MEI1: variants seen among roughly 807,000 people sequenced by gnomAD.
MEI1 encodes meiotic double-stranded break formation protein 1, also known as meiosis inhibitor protein 1.
In MEI1, 103 loss-of-function variants were observed where a neutral mutation model predicts 146.2. The observed-to-expected ratio is 0.70, with a 90% CI of 0.60 to 0.83. The LOEUF is 0.83. Ranked by LOEUF, MEI1 falls within the 40% of genes least tolerant of loss-of-function variation. MEI1 has a pLI of 0.00. For missense variants in MEI1, 1,529 were observed against 1,533.0 expected (o/e 1.00, Z 0.04); for synonymous variants, 652 against 628.2 (o/e 1.04, Z -0.57).
intron 30 of MEI1, among the ~76,000 whole-genome samples, chr22:41,797,550 T>C (rs1176763598): frequency 2.0e-5 from 3 of 152,044 alleles, no homozygotes; most frequent in African/African-American, 7.2e-5. Context: ...CGGCAGAGGT[T>C]GCAGTCAGCT....
intron 18 of MEI1, among the ~76,000 whole-genome samples, chr22:41,761,304 CAG>C (rs2074470619): frequency 7.1e-6 from 1 of 141,016 alleles, no homozygotes; most frequent in Non-Finnish European, 1.5e-5. Flanking sequence ...GAGTGAGACT[CAG>C]TGTTTTTTTT....
chr22:41,760,035 T>C (rs1363153114), intron 18 of MEI1, among the ~76,000 whole-genome samples: 1 of 151,426 alleles, frequency 6.6e-6, no homozygotes, highest in Admixed American at 6.6e-5. Flanking sequence ...TCAGGCCGGG[T>C]GCAGTGGCTC....
At chr22:41,771,079 A>G (rs754020054) in intron 20 of MEI1, 118 bp downstream of exon 20, 3 of 1,130,220 alleles carry the variant, frequency 2.7e-6, no homozygotes, top group Non-Finnish European at 3.8e-6. Context: ...CAGACTTATC[A>G]CTGTCTGCAT....
chr22:41,730,509 C>A lies in MEI1; in HGVS notation c.980-12C>A. The A allele has an allele frequency of 6.3e-7, 1 of 1,583,110 alleles. No homozygotes were observed. Among genetic ancestry groups the A allele is most frequent in the Non-Finnish European group, 8.7e-7 (1 of 1,151,852 alleles). On this transcript the variant is annotated splice_polypyrimidine_tract_variant and intron_variant, in intron 8 of 30. Transcript: ENST00000401548. The stretch of plus-strand genomic sequence containing the variant: ...CTGTCATTTATTGTTTTCTCATCCT[C>A]TCCCTTGTTAGAGTTCCTCTTTGAG...
chr22:41,720,615 T>G (rs945832810), intron 6 of MEI1, among the ~76,000 whole-genome samples: 1 of 149,300 alleles, frequency 6.7e-6, no homozygotes, highest in Non-Finnish European at 1.5e-5. Flanking sequence ...TTTTTTTTTT[T>G]GACGGAGTCT....
At chr22:41,773,560 TAAAAAAA>T (rs34960433) in intron 20 of MEI1, among the ~76,000 whole-genome samples, 1 of 129,978 alleles carries the variant, frequency 7.7e-6, no homozygotes, top group Admixed American at 7.9e-5. Flanking sequence ...ACATCAATGG[TAAAAAAA>T]AAAAAAAAAA....
At chr22:41,742,068 TG>T (rs1389166092) in intron 11 of MEI1, among the ~76,000 whole-genome samples, 5 of 151,598 alleles carry the variant, frequency 3.3e-5, no homozygotes, top group African/African-American at 1.2e-4. Context: ...GAAACCAGCC[TG>T]GCCAACATGG....
chr22:41,730,859 A>G (rs1248658623), intron 9 of MEI1, among the ~76,000 whole-genome samples: 1 of 152,168 alleles, frequency 6.6e-6, no homozygotes, highest in East Asian at 1.9e-4. Context: ...TAGACGCTTC[A>G]GCAAGGGAAG....
intron 12 of MEI1, 27 bp downstream of exon 12, chr22:41,743,221 C>A: frequency 6.7e-7 from 1 of 1,496,180 alleles, no homozygotes; most frequent in South Asian, 1.1e-5. Flanking sequence ...CTGCTGCTTC[C>A]GAAGATCATG....
intron 14 of MEI1, 146 bp from the exon 15 acceptor site, chr22:41,747,961 A>G (rs2073454952): frequency 4.8e-6 from 3 of 625,206 alleles, no homozygotes; most frequent in Non-Finnish European, 8.7e-6. Flanking sequence ...CAAGCCTTAG[A>G]TGTAGGTTTG....
At chr22:41,762,091 CAT>C (rs1188232845) in intron 18 of MEI1, among the ~76,000 whole-genome samples, 19 of 152,298 alleles carry the variant, frequency 1.2e-4, no homozygotes, top group East Asian at 5.8e-4. Flanking sequence ...CTGTTGTAAA[CAT>C]GTGTGTACAT....
chr22:41,797,468 C>T (rs1042458562), intron 30 of MEI1, among the ~76,000 whole-genome samples: 2 of 151,976 alleles, frequency 1.3e-5, no homozygotes, highest in Non-Finnish European at 1.5e-5. Context: ...AAAAATTAGT[C>T]GGCTGTGGTG....
At chr22:41,739,622 T>C (rs1010406179) in intron 11 of MEI1, among the ~76,000 whole-genome samples, 2 of 152,022 alleles carry the variant, frequency 1.3e-5, no homozygotes, top group African/African-American at 4.8e-5. Flanking sequence ...TGTCCTTCCC[T>C]GAATTTGAAT....
chr22:41,737,694 A>G (rs1267971993), intron 11 of MEI1, among the ~76,000 whole-genome samples: 1 of 152,136 alleles, frequency 6.6e-6, no homozygotes, highest in Non-Finnish European at 1.5e-5. Flanking sequence ...GGCGTGAGCC[A>G]CTGAACCTGG....
intron 5 of MEI1, 51 bp from the exon 6 acceptor site, chr22:41,718,020 G>A (rs2070375106): frequency 8.7e-6 from 12 of 1,386,678 alleles, no homozygotes; most frequent in South Asian, 7.6e-5. Context: ...GTTTCATATA[G>A]CAGTTGACAT....
rs1006102308 is a variant in MEI1 at position 41,794,243 on chromosome 22, T to A, written c.3428-128T>A. 3.8e-5 allele frequency: 30 copies of A among 785,574 alleles called. No individual in the cohort carries two copies. The Middle Eastern group carries it at 1.3e-3, about 35-fold the overall frequency. 48.7% of individuals were successfully genotyped at this position (785,574 alleles called of 1,614,324 possible). ...AGCCCAGGGAAGAAAGAACCCTCCTTGGGTCAGCTTGTTCAGTGCCCTGTC... is the reference window on the plus strand; with the variant it reads ...AGCCCAGGGAAGAAAGAACCCTCCTAGGGTCAGCTTGTTCAGTGCCCTGTC... On this transcript the variant is annotated intron_variant, in intron 27 of 30. Transcript: ENST00000401548.
rs117206252 is a variant in MEI1 at position 41,771,354 on chromosome 22, T to G, written c.2544+393T>G. 8.6e-3 allele frequency among the ~76,000 whole-genome samples: 1,308 copies of G among 152,330 alleles called. 7 individuals carry two copies. Among genetic ancestry groups the G allele is most frequent in the Non-Finnish European group, 0.015 (1,043 of 68,022 alleles). ...TGGACATTTCTGATGGCAGAGGGAC[T>G]CCTCCTCTTTTTTGCCATGACTTAC... On this transcript the variant is annotated intron_variant, in intron 20 of 30. Coordinates refer to ENST00000401548, the MANE Select transcript of MEI1 (RefSeq NM_152513.4).
chr22:41,705,670 C>T lies in MEI1; in HGVS notation c.349+116C>T, dbSNP rs2069033077. The T allele has an allele frequency of 5.0e-6, 4 of 801,140 alleles. No homozygotes were observed. In the South Asian group the frequency reaches 6.0e-5, roughly 12 times the overall value. 49.6% of individuals were successfully genotyped at this position (801,140 alleles called of 1,614,324 possible). ...GTTTAGACACAGATAAGAGGAACCC[C>T]ATTAGTTTTCAATCACTAATTCAAC... On this transcript the variant is annotated intron_variant, in intron 3 of 30. Coordinates refer to ENST00000401548, the MANE Select transcript of MEI1 (RefSeq NM_152513.4).
At chr22:41,737,053 C>T (rs1187837800) in intron 11 of MEI1, among the ~76,000 whole-genome samples, 1 of 152,166 alleles carries the variant, frequency 6.6e-6, no homozygotes, top group Non-Finnish European at 1.5e-5. Flanking sequence ...GATCTGCTTT[C>T]TGTTTCTTGA....
Sources: allele counts gnomAD v4.1 joint callset (sites outside exome capture counted in the v4.1 genomes callset), GRCh38; gene constraint gnomAD v4.1.1; transcripts MANE v1.5; gene names NCBI Gene and HGNC (gene_info 2026-07-23, HGNC 2026-07-21).